Variants in NEK6 observed in about 807,000 individuals in gnomAD.
The protein encoded by NEK6 is serine/threonine-protein kinase Nek6.
Under a neutral mutation model 43.5 loss-of-function variants are expected in NEK6, and 27 were observed. The ratio of observed to expected loss-of-function variants is 0.62; its 90% CI spans 0.46 to 0.86. NEK6 has a LOEUF of 0.86. Among genes scored for constraint, NEK6 ranks in the 40% least tolerant of loss-of-function variants. The probability of loss-of-function intolerance (pLI) is 0.00; values close to 1 mark genes in which losing one functional copy is unlikely to be tolerated. For synonymous variants in NEK6, 167 were observed against 164.1 expected (o/e 1.02, Z -0.14); for missense variants, 318 against 414.4 (o/e 0.77, Z 2.02).
intron 7 of NEK6, among the ~76,000 whole-genome samples, chr9:124,334,802 A>C (rs980528003): frequency 6.6e-6 from 1 of 152,070 alleles, no homozygotes; most frequent in East Asian, 1.9e-4. Context: ...AGGGCCAGGC[A>C]CTCCAAGCCC....
At chr9:124,336,225 G>A (rs935164222) in intron 7 of NEK6, among the ~76,000 whole-genome samples, 1 of 152,060 alleles carries the variant, frequency 6.6e-6, no homozygotes, top group Non-Finnish European at 1.5e-5. Flanking sequence ...GCAACAGAGC[G>A]AGACCCTGTC....
At chr9:124,321,697 C>CA (rs2130917078) in intron 5 of NEK6, 128 bp downstream of exon 5, 1 of 636,802 alleles carries the variant, frequency 1.6e-6, no homozygotes, top group Non-Finnish European at 2.8e-6. Context: ...GGACCCTGGG[C>CA]GCCCCCCTGC....
chr9:124,278,193 G>A lies in NEK6; in HGVS notation c.-30+20108G>A, dbSNP rs369709363. ...GGTGTGTAGCCCAGGAGTGACAGGC[G>A]ACACCCTATCGCCTAGGTGTGGGGG... On this transcript the variant is annotated intron_variant, in intron 1 of 9. Transcript: ENST00000320246. Among the ~76,000 whole-genome samples, 18 of 152,332 alleles carry A rather than the reference G, an allele frequency of 1.2e-4. No homozygotes were observed. In the East Asian group the frequency reaches 1.9e-3, roughly 16 times the overall value.
chr9:124,347,854 C>A, intron 9 of NEK6, 32 bp downstream of exon 9: 1 of 1,393,800 alleles, frequency 7.2e-7, no homozygotes, highest in Non-Finnish European at 1.0e-6. Context: ...GCCTCGCCAG[C>A]CCCAGGAGGC....
At chr9:124,273,344 T>C (rs1300483575) in intron 1 of NEK6, among the ~76,000 whole-genome samples, 2 of 152,200 alleles carry the variant, frequency 1.3e-5, no homozygotes, top group Non-Finnish European at 1.5e-5. Flanking sequence ...AATTCAGGGC[T>C]TGATCCCGAA....
At chr9:124,349,053 T>C (rs561961412) in intron 9 of NEK6, among the ~76,000 whole-genome samples, 17 of 152,364 alleles carry the variant, frequency 1.1e-4, no homozygotes, top group Admixed American at 9.8e-4. Flanking sequence ...TCCTGGGTGC[T>C]GCGCTTGTGT....
intron 6 of NEK6, 40 bp from the exon 7 acceptor site, chr9:124,327,298 C>T (rs749648485): frequency 5.8e-6 from 9 of 1,560,170 alleles, no homozygotes; most frequent in Middle Eastern, 1.7e-4. Context: ...CTACCCCAAG[C>T]CTCCTACCCC....
In NEK6 at chr9:124,324,263, G is replaced by A. The variant is rs934984642; in HGVS notation, c.406-2067G>A. Among the ~76,000 whole-genome samples, 2 of 152,182 alleles carry A rather than the reference G, an allele frequency of 1.3e-5. No homozygotes were observed. Among genetic ancestry groups the A allele is most frequent in the Non-Finnish European group, 2.9e-5 (2 of 68,024 alleles). ...GTTTGGTGGGAGCTCGGTTCCCCTG[G>A]TTCTGCCTGCTCTCAGGCCACCTCT... is the stretch of plus-strand genomic sequence containing the variant. On this transcript the variant is annotated intron_variant, in intron 5 of 9. Coordinates refer to ENST00000320246, the MANE Select transcript of NEK6 (RefSeq NM_014397.6). The surrounding 1 kb of genome is among the most constrained non-coding windows in gnomAD (Gnocchi z 5.3).
chr9:124,327,470 A>G, intron 7 of NEK6, 25 bp downstream of exon 7: 1 of 1,562,296 alleles, frequency 6.4e-7, no homozygotes, highest in Non-Finnish European at 8.8e-7. Flanking sequence ...TCTGTGCCCC[A>G]GCAGCCCCCA....
chr9:124,346,517 G>T (rs1829933460), intron 8 of NEK6, among the ~76,000 whole-genome samples: 1 of 152,156 alleles, frequency 6.6e-6, no homozygotes, highest in Non-Finnish European at 1.5e-5. Context: ...CTCCGGGGGG[G>T]AACCGGGGCC....
At chr9:124,293,049 C>T (rs746847077) in intron 1 of NEK6, 2 of 1,460,224 alleles carry the variant, frequency 1.4e-6, no homozygotes, top group Non-Finnish European at 9.1e-7. Context: ...AGGCAGGGGT[C>T]TCTGGGATGG....
chr9:124,269,902 G>T (rs898913646), intron 1 of NEK6, among the ~76,000 whole-genome samples: 2 of 152,126 alleles, frequency 1.3e-5, no homozygotes, highest in African/African-American at 2.4e-5. Context: ...CTCTCTCCCT[G>T]CAGTGCCCTG....
At chr9:124,266,784 A>G (rs1436240320) in intron 1 of NEK6, among the ~76,000 whole-genome samples, 1 of 152,210 alleles carries the variant, frequency 6.6e-6, no homozygotes, top group African/African-American at 2.4e-5. Context: ...GTTTATATGG[A>G]GTGAACGAAT....
intron 4 of NEK6, 124 bp from the exon 5 acceptor site, chr9:124,321,335 C>A (rs982398086): frequency 2.2e-5 from 14 of 629,030 alleles, no homozygotes; most frequent in Non-Finnish European, 4.0e-5. Flanking sequence ...TCCCTGGGAC[C>A]CACTTCTCTA....
chr9:124,293,135 C>A, intron 1 of NEK6: 1 of 1,210,786 alleles, frequency 8.3e-7, no homozygotes, highest in Non-Finnish European at 1.1e-6. Context: ...CACCAAGGAT[C>A]ACCTCAGGCA....
intron 1 of NEK6, among the ~76,000 whole-genome samples, chr9:124,284,806 G>A (rs957366139): frequency 2.6e-5 from 4 of 152,210 alleles, no homozygotes; most frequent in Admixed American, 6.5e-5. Flanking sequence ...AGGATCTGCC[G>A]AGATTCATCC....
At position 124,351,506 on chromosome 9, in the gene NEK6, T is replaced by G. The variant is rs1830271978; in HGVS notation, c.*559T>G. 6.6e-6 allele frequency: 1 copy of G among 152,432 alleles called. No individual in the cohort carries two copies. The highest frequency in any genetic ancestry group is 1.5e-5 in the Non-Finnish European group (1 of 68,250). 9.4% of individuals were successfully genotyped at this position (152,432 alleles called of 1,614,324 possible). A position where few individuals can be genotyped will look rare whatever the true frequency, so the allele number is the denominator to read the frequency against. On this transcript the variant is annotated 3_prime_UTR_variant, in exon 10 of 10. Coordinates refer to ENST00000320246, the MANE Select transcript of NEK6 (RefSeq NM_014397.6). The stretch of plus-strand genomic sequence containing the variant: ...TATCTACGTTTTATAACTTGGTGAG[T>G]GACGATGAGAGCCCTGCACCTGGCC...
At chr9:124,297,288 A>G (rs1832740061) in intron 1 of NEK6, among the ~76,000 whole-genome samples, 1 of 152,262 alleles carries the variant, frequency 6.6e-6, no homozygotes, top group Admixed American at 6.5e-5. Flanking sequence ...ATAGCTAAAT[A>G]GCCTCATAGC....
chr9:124,326,887 C>T lies in NEK6; in HGVS notation c.514+449C>T, dbSNP rs565114023. On this transcript the variant is annotated intron_variant, in intron 6 of 9. Transcript: ENST00000320246. This position sits in a 1 kb window ranked among gnomAD's most constrained non-coding sequence, Gnocchi z 4.5. Reference sequence around the variant, plus strand: ...TCCTTTACGTAGGCTGCTTCATGGACACCTCCGTTCCTTCACTCTACCTGT... The same window carrying T: ...TCCTTTACGTAGGCTGCTTCATGGATACCTCCGTTCCTTCACTCTACCTGT... 6.6e-6 allele frequency among the ~76,000 whole-genome samples: 1 copy of T among 152,286 alleles called. No individual in the cohort carries two copies. The highest frequency in any genetic ancestry group is 2.4e-5 in the African/African-American group (1 of 41,560).
Sources: allele counts gnomAD v4.1 joint callset (sites outside exome capture counted in the v4.1 genomes callset), GRCh38; gene constraint gnomAD v4.1.1; non-coding constraint Gnocchi (gnomAD v3.1); transcripts MANE v1.5; gene names NCBI Gene and HGNC (gene_info 2026-07-23, HGNC 2026-07-21).